Variants in PPP2R2B observed in about 807,000 individuals in gnomAD.
PPP2R2B encodes protein phosphatase 2 regulatory subunit Bbeta, also known as serine/threonine-protein phosphatase 2A 55 kDa regulatory subunit B beta isoform.
In PPP2R2B, 5 loss-of-function variants were observed where a neutral mutation model predicts 46.0. That is an observed-to-expected ratio of 0.11 (90% CI 0.06 to 0.23). The LOEUF (loss-of-function observed/expected upper bound fraction) is 0.23, where lower values mean the gene tolerates loss of function less well. PPP2R2B is among the 10% of genes least tolerant of loss of function. The pLI is 1.00. For missense variants in PPP2R2B, 367 were observed against 575.0 expected (o/e 0.64, Z 3.70); for synonymous variants, 215 against 206.7 (o/e 1.04, Z -0.34).
chr5:146,727,631 C>A (rs926044796), intron 2 of PPP2R2B, among the ~76,000 whole-genome samples: 1 of 151,620 alleles, frequency 6.6e-6, no homozygotes, highest in African/African-American at 2.4e-5. Context: ...TGCAATAGAT[C>A]CATGGAACAC....
intron 2 of PPP2R2B, among the ~76,000 whole-genome samples, chr5:146,801,100 T>A (rs1439353885): frequency 6.6e-6 from 1 of 152,156 alleles, no homozygotes; most frequent in South Asian, 2.1e-4. Flanking sequence ...TATTGCATGA[T>A]CTCACTTATA....
chr5:147,024,506 C>A (rs1755439908), intron 1 of PPP2R2B, among the ~76,000 whole-genome samples: 1 of 151,948 alleles, frequency 6.6e-6, no homozygotes, highest in South Asian at 2.1e-4. Context: ...CACACAACAC[C>A]TAAAAAAATA....
At chr5:146,916,865 T>C (rs1183401559) in intron 1 of PPP2R2B, among the ~76,000 whole-genome samples, 1 of 152,224 alleles carries the variant, frequency 6.6e-6, no homozygotes, top group Non-Finnish European at 1.5e-5. Flanking sequence ...GCCACTGATA[T>C]AGCTCTGCCT....
chr5:147,016,018 G>A (rs1754988839), intron 1 of PPP2R2B, among the ~76,000 whole-genome samples: 2 of 151,422 alleles, frequency 1.3e-5, no homozygotes, highest in Non-Finnish European at 2.9e-5. Context: ...TATGTGTTAA[G>A]AGAATTTGAG....
chr5:146,825,022 C>T (rs1438715492), intron 2 of PPP2R2B, among the ~76,000 whole-genome samples: 1 of 152,136 alleles, frequency 6.6e-6, no homozygotes, highest in Non-Finnish European at 1.5e-5. Context: ...CCGCACCCAG[C>T]CAAAAATCAA....
At chr5:146,689,707 T>G (rs1170040429) in intron 5 of PPP2R2B, among the ~76,000 whole-genome samples, 3 of 152,198 alleles carry the variant, frequency 2.0e-5, no homozygotes, top group Non-Finnish European at 4.4e-5. Context: ...ACAATAATAC[T>G]CTTCACTACG....
chr5:146,871,293 C>A (rs2963079), intron 2 of PPP2R2B, among the ~76,000 whole-genome samples: 27,055 of 152,058 alleles, frequency 0.18, 2,836 homozygotes, highest in East Asian at 0.35. Context: ...TCATATTTCT[C>A]TTGCTGTGGC....
At chr5:146,880,499 G>A (rs1762131130), upstream of PPP2R2B, among the ~76,000 whole-genome samples, 1 of 152,160 alleles carries the variant, frequency 6.6e-6, no homozygotes, top group Admixed American at 6.5e-5. Context: ...AGTAGGAGCA[G>A]AGTGGGGAAA....
intron 1 of PPP2R2B, among the ~76,000 whole-genome samples, chr5:147,010,741 C>T (rs994723704): frequency 8.5e-5 from 13 of 152,094 alleles, no homozygotes; most frequent in South Asian, 2.1e-4. Flanking sequence ...GGCCACGGAT[C>T]GGTAGTAATC....
intron 2 of PPP2R2B, among the ~76,000 whole-genome samples, chr5:146,862,856 T>C (rs1261581097): frequency 8.4e-5 from 11 of 130,334 alleles, no homozygotes; most frequent in African/African-American, 3.7e-4. Flanking sequence ...TGTCAAGTAA[T>C]TGGAAAAAAA....
At chr5:146,706,659 C>T (rs1232730768) in intron 2 of PPP2R2B, 48 of 850,846 alleles carry the variant, frequency 5.6e-5, no homozygotes, top group Admixed American at 8.9e-5. Context: ...GCCTTTGAGG[C>T]CCTCAGTCTC....
intron 7 of PPP2R2B, among the ~76,000 whole-genome samples, chr5:146,605,710 A>G (rs1050228239): frequency 1.3e-5 from 2 of 152,202 alleles, no homozygotes; most frequent in Admixed American, 1.3e-4. Context: ...CACTGCTTTA[A>G]TCCTACTTCA....
chr5:146,703,834 G>A (rs2151170814), intron 2 of PPP2R2B, among the ~76,000 whole-genome samples: 1 of 152,298 alleles, frequency 6.6e-6, no homozygotes, highest in Non-Finnish European at 1.5e-5. Flanking sequence ...TGTTTTCCAA[G>A]TGTTATTATT....
intron 1 of PPP2R2B, among the ~76,000 whole-genome samples, chr5:146,933,825 C>T (rs1400237971): frequency 2.4e-5 from 3 of 123,690 alleles, no homozygotes; most frequent in African/African-American, 6.0e-5. Flanking sequence ...AATGCTATCC[C>T]TCCCCCTCCC....
chr5:146,941,737 A>C (rs1764330899), intron 1 of PPP2R2B, among the ~76,000 whole-genome samples: 1 of 152,210 alleles, frequency 6.6e-6, no homozygotes, highest in African/African-American at 2.4e-5. Context: ...TTTTTATTGC[A>C]TCTGTATAGT....
chr5:146,897,757 C>T (rs1046121555), intron 1 of PPP2R2B, among the ~76,000 whole-genome samples: 1 of 151,586 alleles, frequency 6.6e-6, no homozygotes, highest in Non-Finnish European at 1.5e-5. Flanking sequence ...GAGAATAAAC[C>T]TACAATTCAA....
chr5:146,780,175 A>G (rs931452312), intron 2 of PPP2R2B, among the ~76,000 whole-genome samples: 6 of 152,184 alleles, frequency 3.9e-5, no homozygotes, highest in African/African-American at 1.4e-4. Flanking sequence ...GAAACAAACA[A>G]ACAAAAAGCC....
chr5:147,040,830 A>G, intron 1 of PPP2R2B: 1 of 438,620 alleles, frequency 2.3e-6, no homozygotes, highest in Non-Finnish European at 4.5e-6. Flanking sequence ...AAAAACTGTA[A>G]AATAATAGTG....
intron 1 of PPP2R2B, among the ~76,000 whole-genome samples, chr5:146,943,815 T>A (rs992637690): frequency 2.6e-5 from 4 of 152,186 alleles, no homozygotes; most frequent in African/African-American, 9.6e-5. Flanking sequence ...GAAGACAATA[T>A]CCCTTCGTAT....
Sources: gnomAD v4.1 joint callset for allele counts (sites outside exome capture counted in the v4.1 genomes callset) on GRCh38, gnomAD v4.1.1 for gene constraint, MANE v1.5 for transcripts, NCBI Gene and HGNC (gene_info 2026-07-23, HGNC 2026-07-21) for gene names.